PLCB1: variants seen among roughly 807,000 people sequenced by gnomAD.
The protein encoded by PLCB1 is phospholipase C beta 1.
In PLCB1, 46 loss-of-function variants were observed where a neutral mutation model predicts 161.8. That is an observed-to-expected ratio of 0.28 (90% CI 0.22 to 0.36). The LOEUF (loss-of-function observed/expected upper bound fraction) is 0.36, where lower values mean the gene tolerates loss of function less well. PLCB1 is among the 10% of genes least tolerant of loss of function. The pLI is 1.00. For missense variants in PLCB1, 1,016 were observed against 1,472.5 expected, an observed-to-expected ratio of 0.69 and a Z score of 5.07; for synonymous variants, 517 against 503.7, an observed-to-expected ratio of 1.03 and a Z score of -0.35.
intron 2 of PLCB1, among the ~76,000 whole-genome samples, chr20:8,321,142 T>C (rs1984902751): frequency 6.6e-6 from 1 of 152,192 alleles, no homozygotes. Context: ...ATAAACCGTT[T>C]AGGTAGTAAG....
intron 8 of PLCB1, among the ~76,000 whole-genome samples, chr20:8,658,170 T>C (rs2235945): frequency 0.029 from 4,383 of 152,252 alleles, 194 homozygotes; most frequent in East Asian, 0.22. Context: ...TTTAAATGAT[T>C]ACAGATATAT....
chr20:8,687,706 A>G (rs1291492052), intron 10 of PLCB1, among the ~76,000 whole-genome samples: 2 of 152,220 alleles, frequency 1.3e-5, no homozygotes, highest in African/African-American at 4.8e-5. Flanking sequence ...TCATGTATAC[A>G]TACCACAGTT....
intron 31 of PLCB1, among the ~76,000 whole-genome samples, chr20:8,877,126 T>G (rs985705880): frequency 2.0e-5 from 3 of 152,144 alleles, no homozygotes; most frequent in African/African-American, 7.2e-5. Flanking sequence ...GAATAGAAAT[T>G]CAACACATAT....
At chr20:8,494,428 C>CA (rs1265298876) in intron 3 of PLCB1, among the ~76,000 whole-genome samples, 1 of 152,076 alleles carries the variant, frequency 6.6e-6, no homozygotes, top group Non-Finnish European at 1.5e-5. Flanking sequence ...TTGTGGTAGG[C>CA]AAAAATGCCA....
chr20:8,583,493 C>T (rs572422255), intron 3 of PLCB1, among the ~76,000 whole-genome samples: 3 of 152,190 alleles, frequency 2.0e-5, no homozygotes, highest in Admixed American at 6.5e-5. Context: ...TAACCTAACA[C>T]AGTCAGCCCA....
intron 14 of PLCB1, among the ~76,000 whole-genome samples, chr20:8,719,209 A>G (rs1332565870): frequency 6.6e-6 from 1 of 152,208 alleles, no homozygotes; most frequent in African/African-American, 2.4e-5. Flanking sequence ...TTTTTCAGTT[A>G]TAAGTTAAAC....
At chr20:8,463,880 A>G (rs999796441) in intron 3 of PLCB1, among the ~76,000 whole-genome samples, 3 of 152,132 alleles carry the variant, frequency 2.0e-5, no homozygotes, top group South Asian at 2.1e-4. Flanking sequence ...ATTCACTCAC[A>G]TATTTATCAG....
intron 31 of PLCB1, among the ~76,000 whole-genome samples, chr20:8,860,534 C>G (rs1987219858): frequency 6.6e-6 from 1 of 152,166 alleles, no homozygotes; most frequent in South Asian, 2.1e-4. Flanking sequence ...CAGTTTTATA[C>G]TGTTCAAGAC....
At chr20:8,322,151 G>T (rs1984948070) in intron 2 of PLCB1, among the ~76,000 whole-genome samples, 1 of 151,902 alleles carries the variant, frequency 6.6e-6, no homozygotes, top group Admixed American at 6.6e-5. Context: ...CTTTATTTTG[G>T]CTTCTTTCTC....
intron 3 of PLCB1, among the ~76,000 whole-genome samples, chr20:8,535,189 T>G (rs1353663776): frequency 1.5e-4 from 7 of 45,670 alleles, no homozygotes; most frequent in African/African-American, 4.6e-4. Context: ...TTTCAGAAAA[T>G]AGAGTTTATG....
intron 9 of PLCB1, among the ~76,000 whole-genome samples, chr20:8,664,299 A>G (rs1012076049): frequency 6.6e-6 from 1 of 152,058 alleles, no homozygotes; most frequent in Admixed American, 6.6e-5. Context: ...AGTGATCACT[A>G]CTCGCTGAGT....
At chr20:8,541,563 AG>A (rs1985319437) in intron 3 of PLCB1, among the ~76,000 whole-genome samples, 4 of 18,776 alleles carry the variant, frequency 2.1e-4, no homozygotes, top group Admixed American at 1.4e-3. Context: ...AGGAAGAAAG[AG>A]AAAGAAAGAA....
intron 4 of PLCB1, 87 bp downstream of exon 4, chr20:8,628,518 T>C: frequency 7.1e-7 from 1 of 1,413,768 alleles, no homozygotes; most frequent in Non-Finnish European, 9.8e-7. Flanking sequence ...ACTGAATTTT[T>C]GTCATATTTA....
At chr20:8,639,365 T>A (rs889581218) in intron 4 of PLCB1, among the ~76,000 whole-genome samples, 1 of 152,242 alleles carries the variant, frequency 6.6e-6, no homozygotes. Flanking sequence ...TCATTGTTGC[T>A]TACTTATCTT....
intron 3 of PLCB1, among the ~76,000 whole-genome samples, chr20:8,438,279 A>G (rs1352134107): frequency 1.3e-5 from 2 of 152,222 alleles, no homozygotes; most frequent in African/African-American, 2.4e-5. Context: ...TAATTTCCAT[A>G]TTATATACAT....
rs1046855158 is a variant in PLCB1 at position 8,240,302 on chromosome 20, A to T, written c.177+89931A>T. On this transcript the variant is annotated intron_variant, in intron 2 of 31. Coordinates refer to ENST00000338037, the MANE Select transcript of PLCB1 (RefSeq NM_015192.4). ...TTGACACACACACACACACACACAC[A>T]CACGCACACACACACACATTTGCTT... 2.0e-5 allele frequency among the ~76,000 whole-genome samples: 3 copies of T among 150,894 alleles called. No homozygotes were observed. The East Asian group carries it at 5.9e-4, about 30-fold the overall frequency.
intron 3 of PLCB1, among the ~76,000 whole-genome samples, chr20:8,463,161 G>GTGTGTGTGTGTGTGTGTGTGTC (rs1981661038): frequency 6.6e-6 from 1 of 151,180 alleles, no homozygotes; most frequent in African/African-American, 2.4e-5. Context: ...GTGTGTGTGT[G>GTGTGTGTGTGTGTGTGTGTGTC]TGTGTGTGTG....
chr20:8,876,375 C>A (rs976927971), intron 31 of PLCB1, among the ~76,000 whole-genome samples: 1 of 152,166 alleles, frequency 6.6e-6, no homozygotes, highest in African/African-American at 2.4e-5. Context: ...GGCTCCAAGG[C>A]ATAGCCTACA....
At chr20:8,686,412 TGGAAG>T (rs1279661404) in intron 10 of PLCB1, among the ~76,000 whole-genome samples, 1 of 152,216 alleles carries the variant, frequency 6.6e-6, no homozygotes, top group African/African-American at 2.4e-5. Flanking sequence ...TTTGTTTAAG[TGGAAG>T]TCACAATATA....
Sources: gnomAD v4.1 joint callset for allele counts (sites outside exome capture counted in the v4.1 genomes callset) on GRCh38, gnomAD v4.1.1 for gene constraint, MANE v1.5 for transcripts, NCBI Gene and HGNC (gene_info 2026-07-23, HGNC 2026-07-21) for gene names.